TCL1B: variants seen among roughly 807,000 people sequenced by gnomAD.
TCL1B encodes the protein TCL1 family AKT coactivator B.
TCL1B carries 14 observed loss-of-function variants against 16.9 expected under a neutral mutation model. The observed-to-expected ratio is 0.83, with a 90% CI of 0.55 to 1.30. The LOEUF (loss-of-function observed/expected upper bound fraction) is 1.30, where lower values mean the gene tolerates loss of function less well. TCL1B is among the 50% of genes most tolerant of loss of function. The probability of loss-of-function intolerance (pLI) is 0.00; values close to 1 mark genes in which losing one functional copy is unlikely to be tolerated. For missense variants in TCL1B, 166 were observed against 165.2 expected, an observed-to-expected ratio of 1.00 and a Z score of -0.03; for synonymous variants, 79 against 66.6, an observed-to-expected ratio of 1.19 and a Z score of -0.91.
At chr14:95,690,647 C>G (rs1048571546) in intron 1 of TCL1B, 89 bp from the exon 2 acceptor site, 2 of 1,422,182 alleles carry the variant, frequency 1.4e-6, no homozygotes. Flanking sequence ...TACCTCTGAC[C>G]CTGGCAGCCC....
intron 1 of TCL1B, among the ~76,000 whole-genome samples, chr14:95,687,265 G>A (rs1390492897): frequency 6.6e-6 from 1 of 152,160 alleles, no homozygotes; most frequent in Non-Finnish European, 1.5e-5. Flanking sequence ...TAATGATAAT[G>A]ACTCAGGAAA....
intron 2 of TCL1B, 126 bp from the exon 3 acceptor site, chr14:95,691,142 C>G (rs1885876583): frequency 8.2e-7 from 1 of 1,222,628 alleles, no homozygotes; most frequent in African/African-American, 1.5e-5. Flanking sequence ...CTAGGGAAAT[C>G]CACAAGCTGG....
chr14:95,687,872 A>C (rs1030023680), intron 1 of TCL1B, among the ~76,000 whole-genome samples: 1 of 146,066 alleles, frequency 6.8e-6, no homozygotes, highest in African/African-American at 2.5e-5. Flanking sequence ...GAATGGCGTG[A>C]ACCCGGGAGG....
chr14:95,692,004 CTTCTG>C lies in TCL1B; in HGVS notation c.*92_*96del, dbSNP rs1037025588. Reference sequence around the variant, plus strand: ...CAGTGAGGATCTTCATGTACCTGCTCTTCTGTTTGCACACCCAGCATAGCCTCCTT... The same window carrying C: ...CAGTGAGGATCTTCATGTACCTGCTCTTTGCACACCCAGCATAGCCTCCTT... On this transcript the variant is annotated 3_prime_UTR_variant, in exon 4 of 4. Coordinates refer to ENST00000340722, the MANE Select transcript of TCL1B (RefSeq NM_004918.4). The C allele has an allele frequency of 4.6e-5, 7 of 152,658 alleles. No homozygotes were observed. The highest frequency in any genetic ancestry group is 7.3e-5 in the Non-Finnish European group (5 of 68,390). 9.5% of individuals were successfully genotyped at this position (152,658 alleles called of 1,614,324 possible). A position where few individuals can be genotyped will look rare whatever the true frequency, so the allele number is the denominator to read the frequency against.
Position 95,690,605 on chromosome 14 carries a change from C to T in TCL1B, c.163-131C>T, listed in dbSNP as rs1009908944. 1.2e-5 allele frequency: 13 copies of T among 1,089,922 alleles called. No individual in the cohort carries two copies. The Admixed American group carries it at 2.9e-4, about 24-fold the overall frequency. 67.5% of individuals were successfully genotyped at this position (1,089,922 alleles called of 1,614,324 possible). ...TAGATGGAGCCACAAGTACCAGTGCCAAGGCTCTTGGTCTGGAATTCTGAA... is the reference window on the plus strand; with the variant it reads ...TAGATGGAGCCACAAGTACCAGTGCTAAGGCTCTTGGTCTGGAATTCTGAA... On this transcript the variant is annotated intron_variant, in intron 1 of 3. Coordinates refer to ENST00000340722, the MANE Select transcript of TCL1B (RefSeq NM_004918.4).
At chr14:95,691,010 C>A in intron 2 of TCL1B, 104 bp downstream of exon 2, 1 of 1,375,820 alleles carries the variant, frequency 7.3e-7, no homozygotes, top group Non-Finnish European at 9.9e-7. Flanking sequence ...CTTGTCTGTC[C>A]TCTTCCTGTT....
At position 95,686,778 on chromosome 14, in the gene TCL1B, G is replaced by T. The variant is rs76123519; in HGVS notation, c.162+149G>T. On this transcript the variant is annotated intron_variant, in intron 1 of 3. Transcript: ENST00000340722. Reference sequence around the variant, plus strand: ...GGTCTAGGAGCGCAGCAATGTCCATGCCCAGCCCTGGCCCCAGGAACACCC... The same window carrying T: ...GGTCTAGGAGCGCAGCAATGTCCATTCCCAGCCCTGGCCCCAGGAACACCC... 553 of 976,722 alleles carry T rather than the reference G, an allele frequency of 5.7e-4. No homozygotes were observed. In the African/African-American group the frequency reaches 8.6e-3, roughly 15 times the overall value. The allele number at this position is 976,722 out of a possible 1,614,324, so 60.5% of individuals were successfully genotyped here.
At chr14:95,686,739 C>T in intron 1 of TCL1B, 110 bp downstream of exon 1, 1 of 1,326,304 alleles carries the variant, frequency 7.5e-7, no homozygotes, top group Non-Finnish European at 1.0e-6. Context: ...CACTGGAAAA[C>T]TCACTTCTGT....
chr14:95,687,789 A>T (rs1212452670), intron 1 of TCL1B, among the ~76,000 whole-genome samples: 1 of 151,962 alleles, frequency 6.6e-6, no homozygotes, highest in Non-Finnish European at 1.5e-5. Context: ...CGTCTCTACT[A>T]AAAATACAAA....
chr14:95,688,393 G>A (rs1273697868), intron 1 of TCL1B: 2 of 152,076 alleles, frequency 1.3e-5, no homozygotes, highest in East Asian at 3.8e-4. Context: ...AGGCTTTTCT[G>A]TACATACACT....
rs1471614813 is a variant in TCL1B at position 95,686,494 on chromosome 14, A to G, written c.27A>G (p.Leu9=). The G allele has an allele frequency of 2.5e-6, 4 of 1,610,408 alleles. No individual in the cohort carries two copies. Among genetic ancestry groups the G allele is most frequent in the Admixed American group, 1.7e-5 (1 of 59,748 alleles). The change falls in exon 1 of 4, where the codon CTA becomes CTG. Residue 9 remains leucine (L), a synonymous_variant. Transcript: ENST00000340722. The part of the protein sequence containing the change: MASEASVR[L]GVPPGRLWIQ... ...TGGCCTCCGAAGCTTCTGTGCGTCTAGGGGTGCCCCCTGGCCGTCTGTGGA... is the reference window on the plus strand; with the variant it reads ...TGGCCTCCGAAGCTTCTGTGCGTCTGGGGGTGCCCCCTGGCCGTCTGTGGA...
chr14:95,686,682 GC>G (rs1885768877), intron 1 of TCL1B, 53 bp downstream of exon 1: 4 of 1,527,032 alleles, frequency 2.6e-6, no homozygotes, highest in Non-Finnish European at 3.5e-6. Context: ...ACTGACCCCT[GC>G]CCGTGTGGGA....
At chr14:95,689,313 A>G (rs973775960) in intron 1 of TCL1B, 3 of 148,638 alleles carry the variant, frequency 2.0e-5, no homozygotes, top group Admixed American at 2.0e-4. Flanking sequence ...AACAAAAAAA[A>G]CAGTTAAGAT....
rs1182954021 is a variant in TCL1B, at chr14:95,691,176, C to CCTG, written c.334-81_334-79dup. ...GGAGTTCCCACCTGCCTCACCCCTG[C>CCTG]CTGCTGCTGCTGCCAGCCTGCATGG... On this transcript the variant is annotated intron_variant, in intron 2 of 3. Coordinates refer to ENST00000340722, the MANE Select transcript of TCL1B (RefSeq NM_004918.4). 2.8e-6 allele frequency: 4 copies of CCTG among 1,451,112 alleles called. No homozygotes were observed. The African/African-American group carries it at 5.7e-5, about 21-fold the overall frequency. The allele number at this position is 1,451,112 out of a possible 1,614,324, so 89.9% of individuals were successfully genotyped here.
intron 1 of TCL1B, among the ~76,000 whole-genome samples, chr14:95,688,538 C>T (rs1292666445): frequency 6.6e-6 from 1 of 152,100 alleles, no homozygotes; most frequent in South Asian, 2.1e-4. Context: ...GAAAGAATTA[C>T]GGCATAATCC....
intron 1 of TCL1B, 47 bp downstream of exon 1, chr14:95,686,676 A>G: frequency 6.5e-7 from 1 of 1,533,456 alleles, no homozygotes; most frequent in Non-Finnish European, 8.7e-7. Flanking sequence ...CTGCGCACTG[A>G]CCCCTGCCCG....
intron 2 of TCL1B, 103 bp downstream of exon 2, chr14:95,691,009 C>T (rs965586047): frequency 2.2e-6 from 3 of 1,381,082 alleles, no homozygotes; most frequent in Non-Finnish European, 2.0e-6. Flanking sequence ...TCTTGTCTGT[C>T]CTCTTCCTGT....
intron 1 of TCL1B, among the ~76,000 whole-genome samples, chr14:95,687,748 C>T (rs1246322261): frequency 2.0e-5 from 3 of 152,066 alleles, no homozygotes; most frequent in Non-Finnish European, 2.9e-5. Flanking sequence ...ATCAGGAGAT[C>T]GAGACCATCC....
intron 3 of TCL1B, 73 bp downstream of exon 3, chr14:95,691,409 G>C (rs991142576): frequency 2.1e-6 from 3 of 1,429,102 alleles, no homozygotes; most frequent in Middle Eastern, 1.8e-4. Context: ...TTTTCAGAAA[G>C]ACGGCGTGGC....
Sources: allele counts gnomAD v4.1 joint callset (sites outside exome capture counted in the v4.1 genomes callset), GRCh38; gene constraint gnomAD v4.1.1; transcripts MANE v1.5; gene names NCBI Gene and HGNC (gene_info 2026-07-23, HGNC 2026-07-21).